The following GABRB2 variants were observed in gnomAD, a reference collection of about 807,000 sequenced individuals.
GABRB2 encodes gamma-aminobutyric acid receptor subunit beta-2.
GABRB2 carries 16 observed loss-of-function variants against 54.7 expected under a neutral mutation model. That is an observed-to-expected ratio of 0.29 (90% confidence interval 0.20 to 0.44). GABRB2 has a LOEUF of 0.44. GABRB2 is among the 20% of genes least tolerant of loss of function. The probability of loss-of-function intolerance (pLI) is 1.00; values close to 1 mark genes in which losing one functional copy is unlikely to be tolerated. For synonymous variants in GABRB2, 244 were observed against 233.8 expected (o/e 1.04, Z -0.40); for missense variants, 355 against 644.0 (o/e 0.55, Z 4.86).
Position 161,428,867 on chromosome 5 carries a change from C to A in GABRB2, c.459-17810G>T, listed in dbSNP as rs1168550704. On this transcript the variant is annotated intron_variant, in intron 4 of 9. Transcript: ENST00000393959. ...TTGAGACTCAATAATAATGAAAGCA[C>A]AAAAACAATTAGGGCATCTACCTCT... Among the ~76,000 whole-genome samples, 5 of 151,872 alleles carry A rather than the reference C, an allele frequency of 3.3e-5. No individual in the cohort carries two copies. In the South Asian group the frequency reaches 1.0e-3, roughly 32 times the overall value.
At chr5:161,332,657 G>A (rs1412645317) in intron 7 of GABRB2, among the ~76,000 whole-genome samples, 2 of 152,148 alleles carry the variant, frequency 1.3e-5, no homozygotes, top group Non-Finnish European at 2.9e-5. Flanking sequence ...TTATAGAGTT[G>A]CCATTGGAAT....
At chr5:161,499,073 C>T (rs919534837) in intron 3 of GABRB2, among the ~76,000 whole-genome samples, 17 of 152,060 alleles carry the variant, frequency 1.1e-4, no homozygotes, top group African/African-American at 3.9e-4. Context: ...TGTGGGCTTC[C>T]AGAGCTCGGG....
chr5:161,350,767 T>C (rs532431072), intron 5 of GABRB2, among the ~76,000 whole-genome samples: 8 of 152,202 alleles, frequency 5.3e-5, no homozygotes, highest in African/African-American at 1.9e-4. Flanking sequence ...AGGACTAGAA[T>C]GACTAAGTCT....
intron 3 of GABRB2, among the ~76,000 whole-genome samples, chr5:161,489,984 G>A (rs1290932997): frequency 6.6e-6 from 1 of 151,630 alleles, no homozygotes; most frequent in Admixed American, 6.6e-5. Context: ...AATGATTTCT[G>A]TAGTTAAGTC....
chr5:161,292,993 G>A lies in GABRB2; in HGVS notation c.*1088C>T, dbSNP rs1757277356. On this transcript the variant is annotated 3_prime_UTR_variant, in exon 10 of 10. Transcript: ENST00000393959. ...TATTAAATTAAGAAATAAAATTATA[G>A]GGACAAAAATTGCAGGGACAGCTGA... 6.6e-6 allele frequency: 1 copy of A among 152,110 alleles called. No individual in the cohort carries two copies. Among genetic ancestry groups the A allele is most frequent in the African/African-American group, 2.4e-5 (1 of 41,438 alleles). 9.4% of individuals were successfully genotyped at this position (152,110 alleles called of 1,614,324 possible).
At chr5:161,506,439 A>G (rs1470062160) in intron 3 of GABRB2, among the ~76,000 whole-genome samples, 2 of 152,162 alleles carry the variant, frequency 1.3e-5, no homozygotes. Flanking sequence ...ACAATTATGA[A>G]AAACAAGAAT....
At chr5:161,545,486 C>A (rs1032511469) in intron 2 of GABRB2, among the ~76,000 whole-genome samples, 192 bp from the exon 3 acceptor site, 1 of 149,398 alleles carries the variant, frequency 6.7e-6, no homozygotes, top group African/African-American at 2.5e-5. Context: ...CTAACAAATG[C>A]TGTATTGAAT....
intron 3 of GABRB2, among the ~76,000 whole-genome samples, chr5:161,473,362 T>C (rs1202988487): frequency 6.6e-6 from 1 of 151,958 alleles, no homozygotes; most frequent in Non-Finnish European, 1.5e-5. Context: ...TAGGCCATGA[T>C]CCAAGATGCG....
intron 3 of GABRB2, among the ~76,000 whole-genome samples, chr5:161,460,578 T>C (rs781243481): frequency 7.2e-5 from 11 of 152,224 alleles, no homozygotes; most frequent in Non-Finnish European, 1.0e-4. Flanking sequence ...AAAATAGTTA[T>C]GTATTTGTTT....
intron 8 of GABRB2, among the ~76,000 whole-genome samples, chr5:161,327,474 G>C (rs1758403761): frequency 6.6e-6 from 1 of 151,984 alleles, no homozygotes; most frequent in Non-Finnish European, 1.5e-5. Flanking sequence ...TTAAAAGCTT[G>C]CTATGTGACC....
intron 4 of GABRB2, among the ~76,000 whole-genome samples, chr5:161,431,823 C>T (rs1008486975): frequency 3.3e-5 from 5 of 151,982 alleles, no homozygotes; most frequent in Admixed American, 1.3e-4. Flanking sequence ...TTCTTAATTC[C>T]GGATAACACG....
At chr5:161,386,170 T>C (rs1252741852) in intron 5 of GABRB2, among the ~76,000 whole-genome samples, 1 of 152,140 alleles carries the variant, frequency 6.6e-6, no homozygotes, top group Non-Finnish European at 1.5e-5. Flanking sequence ...GTGGCCCTCA[T>C]GGATTTATTT....
At chr5:161,521,737 G>T (rs1005775875) in intron 3 of GABRB2, among the ~76,000 whole-genome samples, 15 of 151,868 alleles carry the variant, frequency 9.9e-5, no homozygotes, top group Non-Finnish European at 1.9e-4. Flanking sequence ...TTCAGAATGT[G>T]ATAGCTCTTA....
At chr5:161,331,914 C>T (rs1333376291) in intron 7 of GABRB2, among the ~76,000 whole-genome samples, 4 of 151,736 alleles carry the variant, frequency 2.6e-5, no homozygotes, top group Non-Finnish European at 5.9e-5. Context: ...GCTTGTAATC[C>T]CAGCACTTTG....
intron 3 of GABRB2, among the ~76,000 whole-genome samples, chr5:161,480,440 G>T (rs980233558): frequency 2.0e-5 from 3 of 151,908 alleles, no homozygotes; most frequent in Non-Finnish European, 4.4e-5. Context: ...GACTACTTTT[G>T]TGTGGCTGCC....
intron 3 of GABRB2, among the ~76,000 whole-genome samples, chr5:161,539,040 T>C (rs2113472483): frequency 6.6e-6 from 1 of 152,304 alleles, no homozygotes; most frequent in East Asian, 1.9e-4. Flanking sequence ...TGCCATTCCA[T>C]AAAAAGGTAA....
At chr5:161,433,979 T>C (rs1757245712) in intron 4 of GABRB2, among the ~76,000 whole-genome samples, 2 of 152,194 alleles carry the variant, frequency 1.3e-5, no homozygotes, top group Admixed American at 1.3e-4. Context: ...TGTTTAATAT[T>C]TATTTATCAT....
chr5:161,489,029 C>A (rs1759019466), intron 3 of GABRB2, among the ~76,000 whole-genome samples: 1 of 151,618 alleles, frequency 6.6e-6, no homozygotes, highest in Admixed American at 6.6e-5. Flanking sequence ...GCAAGACATG[C>A]TGAAATTTAA....
chr5:161,490,589 C>T (rs1169254276), intron 3 of GABRB2, among the ~76,000 whole-genome samples: 1 of 151,740 alleles, frequency 6.6e-6, no homozygotes, highest in Non-Finnish European at 1.5e-5. Flanking sequence ...AGAATCATTA[C>T]TGTCTACCCA....
Sources: gnomAD v4.1 joint callset for allele counts (sites outside exome capture counted in the v4.1 genomes callset) on GRCh38, gnomAD v4.1.1 for gene constraint, MANE v1.5 for transcripts, NCBI Gene and HGNC (gene_info 2026-07-23, HGNC 2026-07-21) for gene names.